IRAG1: variants seen among roughly 807,000 people sequenced by gnomAD.
The protein encoded by IRAG1 is IP3R-associated cGMP kinase substrate.
A neutral mutation model predicts 106.2 loss-of-function variants in IRAG1; 62 were observed. That is an observed-to-expected ratio of 0.58 (90% CI 0.48 to 0.72). IRAG1 has a LOEUF of 0.72. IRAG1 is among the 30% of genes least tolerant of loss of function. The probability of loss-of-function intolerance (pLI) is 0.00; values close to 1 mark genes in which losing one functional copy is unlikely to be tolerated. For synonymous variants in IRAG1, 462 were observed against 443.9 expected, an observed-to-expected ratio of 1.04 and a Z score of -0.51; for missense variants, 1,064 against 1,140.7, an observed-to-expected ratio of 0.93 and a Z score of 0.97.
intron 16 of IRAG1, 26 bp downstream of exon 16, chr11:10,594,120 C>T: frequency 6.3e-7 from 1 of 1,589,678 alleles, no homozygotes; most frequent in Non-Finnish European, 8.6e-7. Flanking sequence ...CTTCCAGGAG[C>T]CCTGGTATTC....
At position 10,634,070 on chromosome 11, in the gene IRAG1, C is replaced by A. The variant is rs1303361976; in HGVS notation, c.227G>T (p.Gly76Val). 5.6e-6 allele frequency: 9 copies of A among 1,597,916 alleles called. No homozygotes were observed. The highest frequency in any genetic ancestry group is 2.2e-5 in the East Asian group (1 of 44,510). ...PQAAQSPAGQ[G>V]PPAAGVSCSP... ...GCAAGATACTCCTGCGGCAGGAGGA[C>A]CCTGCCGGTTTAGAACAAAAACACA... is the stretch of plus-strand genomic sequence containing the variant. The change falls in exon 3 of 21, where the codon GGT becomes GTT. Residue 76 changes from glycine to valine, a missense_variant and splice_region_variant. Transcript: ENST00000423302.
chr11:10,632,542 A>G (rs998083955), intron 3 of IRAG1, among the ~76,000 whole-genome samples: 2 of 152,144 alleles, frequency 1.3e-5, no homozygotes, highest in African/African-American at 4.8e-5. Flanking sequence ...AAGCTTCTCG[A>G]GGGTTTCTCT....
At chr11:10,609,662 C>A (rs1484071471) in intron 11 of IRAG1, 66 bp downstream of exon 11, 4 of 1,554,988 alleles carry the variant, frequency 2.6e-6, no homozygotes, top group Non-Finnish European at 1.7e-6. Flanking sequence ...CCTCTGTGTC[C>A]CACCTAGAAT....
intron 18 of IRAG1, among the ~76,000 whole-genome samples, chr11:10,582,788 T>C (rs1367499643): frequency 6.6e-6 from 1 of 152,140 alleles, no homozygotes; most frequent in East Asian, 1.9e-4. Context: ...AAACCCCATC[T>C]CTACTAAAAA....
chr11:10,692,210 T>C (rs10734655), intron 1 of IRAG1, among the ~76,000 whole-genome samples: 110,049 of 151,216 alleles, frequency 0.73, 40,203 homozygotes, highest in East Asian at 0.87. Flanking sequence ...CACACACACA[T>C]ACACGCACTA....
At chr11:10,683,615 C>G (rs1234203191) in intron 1 of IRAG1, among the ~76,000 whole-genome samples, 1 of 152,142 alleles carries the variant, frequency 6.6e-6, no homozygotes, top group Non-Finnish European at 1.5e-5. Flanking sequence ...ACTTGGGCTC[C>G]TTTGCTTGCA....
intron 1 of IRAG1, among the ~76,000 whole-genome samples, chr11:10,676,647 C>G (rs1427284600): frequency 6.6e-6 from 1 of 152,214 alleles, no homozygotes; most frequent in Non-Finnish European, 1.5e-5. Context: ...AGTGCCACCA[C>G]ACAGGAGAGG....
At chr11:10,595,011 G>A (rs900824034) in intron 15 of IRAG1, among the ~76,000 whole-genome samples, 5 of 152,060 alleles carry the variant, frequency 3.3e-5, no homozygotes, top group South Asian at 2.1e-4. Context: ...TGCAACCTCC[G>A]GCTCCTGGGT....
intron 9 of IRAG1, among the ~76,000 whole-genome samples, chr11:10,624,469 C>A (rs906631441): frequency 6.6e-6 from 1 of 152,108 alleles, no homozygotes; most frequent in African/African-American, 2.4e-5. Flanking sequence ...TGGGATGTGG[C>A]CCAAGTGGGC....
rs372161254 is a variant in IRAG1 at position 10,677,211 on chromosome 11, A to G, written c.67+16325T>C. 1.1e-4 allele frequency among the ~76,000 whole-genome samples: 17 copies of G among 152,180 alleles called. No individual in the cohort carries two copies. In the South Asian group the frequency reaches 2.9e-3, roughly 26 times the overall value. On this transcript the variant is annotated intron_variant, in intron 1 of 20. Coordinates refer to ENST00000423302, the MANE Select transcript of IRAG1 (RefSeq NM_130385.4). ...CTCCCAACCCTGTACTTTTCCTGGGAAGTTCCTCACTTCTTTCTTACCTAC... is the reference window on the plus strand; with the variant it reads ...CTCCCAACCCTGTACTTTTCCTGGGGAGTTCCTCACTTCTTTCTTACCTAC...
At chr11:10,666,932 T>C (rs1859827575) in intron 1 of IRAG1, among the ~76,000 whole-genome samples, 1 of 152,154 alleles carries the variant, frequency 6.6e-6, no homozygotes, top group Non-Finnish European at 1.5e-5. Context: ...TACCAAGGCC[T>C]GAGTGGAGCT....
At chr11:10,685,582 G>T (rs1401818861) in intron 1 of IRAG1, among the ~76,000 whole-genome samples, 1 of 151,918 alleles carries the variant, frequency 6.6e-6, no homozygotes, top group African/African-American at 2.4e-5. Flanking sequence ...TTAGCCAGGT[G>T]AGGTAGTATA....
intron 10 of IRAG1, among the ~76,000 whole-genome samples, chr11:10,615,073 TCAAA>T (rs1855290153): frequency 6.6e-6 from 1 of 151,944 alleles, no homozygotes; most frequent in African/African-American, 2.4e-5. Context: ...TACAAAGAAC[TCAAA>T]CAAATTTACA....
In IRAG1 at chr11:10,653,339, C is replaced by T. The variant is rs146257679; in HGVS notation, c.68-1157G>A. ...TTTCTGGACTAGCTGGTTACATGAA[C>T]AATTAAGCCTCTTGGTGTTGAAATC... is the stretch of plus-strand genomic sequence containing the variant. On this transcript the variant is annotated intron_variant, in intron 1 of 20. Coordinates refer to ENST00000423302, the MANE Select transcript of IRAG1 (RefSeq NM_130385.4). Among the ~76,000 whole-genome samples the T allele has an allele frequency of 8.5e-5, 13 of 152,322 alleles. No individual in the cohort carries two copies. In the East Asian group the frequency reaches 2.5e-3, roughly 29 times the overall value.
Position 10,629,712 on chromosome 11 carries a change from C to T in IRAG1, c.401-1G>A. 6.2e-7 allele frequency: 1 copy of T among 1,612,718 alleles called. No individual in the cohort carries two copies. Among genetic ancestry groups the T allele is most frequent in the Non-Finnish European group, 8.5e-7 (1 of 1,179,284 alleles). ...AGGTCAATGATGTGCCCCGCGGGGTCTGCAGAAGGAGGATGAGCTGGGGTG... is the reference window on the plus strand; with the variant it reads ...AGGTCAATGATGTGCCCCGCGGGGTTTGCAGAAGGAGGATGAGCTGGGGTG... On this transcript the variant is annotated splice_acceptor_variant, in intron 4 of 20. Coordinates refer to ENST00000423302, the MANE Select transcript of IRAG1 (RefSeq NM_130385.4). LOFTEE classifies it high-confidence loss of function.
chr11:10,589,152 T>C (rs1852361460), intron 18 of IRAG1: 1 of 152,178 alleles, frequency 6.6e-6, no homozygotes, highest in South Asian at 2.1e-4. Flanking sequence ...AGCCACAGGG[T>C]ATTTGATCTT....
chr11:10,606,347 C>T (rs1854478656), intron 12 of IRAG1, among the ~76,000 whole-genome samples: 1 of 152,216 alleles, frequency 6.6e-6, no homozygotes. Context: ...CCTGAGGAGG[C>T]CAGCCCCCTT....
At chr11:10,670,048 G>T (rs1860096497) in intron 1 of IRAG1, among the ~76,000 whole-genome samples, 1 of 152,218 alleles carries the variant, frequency 6.6e-6, no homozygotes, top group South Asian at 2.1e-4. Flanking sequence ...TTGCTTTTCA[G>T]TTCCTACTGA....
In IRAG1 at chr11:10,574,747, G is replaced by A. The variant is rs1187520962; in HGVS notation, c.*1585C>T. On this transcript the variant is annotated 3_prime_UTR_variant, in exon 21 of 21. Coordinates refer to ENST00000423302, the MANE Select transcript of IRAG1 (RefSeq NM_130385.4). ...ATGGAGTAGCTGATGGGCCACTTGG[G>A]GGAATGAGACTGAAATGTGAGGCTT... 1.3e-5 allele frequency: 2 copies of A among 152,236 alleles called. No individual in the cohort carries two copies. The highest frequency in any genetic ancestry group is 4.8e-5 in the African/African-American group (2 of 41,436). 9.4% of individuals were successfully genotyped at this position (152,236 alleles called of 1,614,324 possible). A position where few individuals can be genotyped will look rare whatever the true frequency, so the allele number is the denominator to read the frequency against.
Sources: allele counts gnomAD v4.1 joint callset (sites outside exome capture counted in the v4.1 genomes callset), GRCh38; gene constraint gnomAD v4.1.1; transcripts MANE v1.5; gene names NCBI Gene and HGNC (gene_info 2026-07-23, HGNC 2026-07-21).